SH3D19: variants seen among roughly 807,000 people sequenced by gnomAD.
SH3D19 encodes SH3 domain containing 19.
SH3D19 carries 58 observed loss-of-function variants against 112.1 expected under a neutral mutation model. That is an observed-to-expected ratio of 0.52 (90% CI 0.42 to 0.64). The LOEUF (loss-of-function observed/expected upper bound fraction) is 0.64, where lower values mean the gene tolerates loss of function less well. SH3D19 is among the 30% of genes least tolerant of loss of function. The pLI is 0.00. For synonymous variants in SH3D19, 391 were observed against 448.5 expected (o/e 0.87, Z 1.62); for missense variants, 1,090 against 1,263.4 (o/e 0.86, Z 2.08).
intron 1 of SH3D19, among the ~76,000 whole-genome samples, chr4:151,284,195 T>TAA (rs1774518017): frequency 6.6e-6 from 1 of 152,208 alleles, no homozygotes; most frequent in South Asian, 2.1e-4. Context: ...CCTCCCCTTC[T>TAA]AGATGAAACC....
chr4:151,267,947 T>C (rs1233996287), intron 1 of SH3D19, among the ~76,000 whole-genome samples: 1 of 152,186 alleles, frequency 6.6e-6, no homozygotes, highest in Non-Finnish European at 1.5e-5. Flanking sequence ...AGAAAGAAGA[T>C]TGTCTGTGAA....
Position 151,133,146 on chromosome 4 carries a change from C to T in SH3D19, c.2577G>A (p.Glu859=). ...FSEGEIIILK[E]YVNEEWARGE... Reference sequence around the variant, plus strand: ...CTCTGGCCCATTCCTCATTCACATACTCTTTAAGAATAATAATTTCTCCCT... The same window carrying T: ...CTCTGGCCCATTCCTCATTCACATATTCTTTAAGAATAATAATTTCTCCCT... Residue 859 remains glutamate (E), a synonymous_variant, in exon 16 of 20, where the codon GAG becomes GAA. Transcript: ENST00000604030. The T allele has an allele frequency of 3.7e-6, 6 of 1,614,176 alleles. No homozygotes were observed. Among genetic ancestry groups the T allele is most frequent in the South Asian group, 1.1e-5 (1 of 91,078 alleles).
chr4:151,253,432 A>AT (rs200012988), intron 1 of SH3D19, among the ~76,000 whole-genome samples: 1,598 of 152,290 alleles, frequency 0.01, 10 homozygotes, highest in Non-Finnish European at 0.017. Context: ...TAAGTATCTA[A>AT]GCCTGTTATT....
At chr4:151,166,848 C>T (rs1211738958) in intron 7 of SH3D19, among the ~76,000 whole-genome samples, 1 of 152,170 alleles carries the variant, frequency 6.6e-6, no homozygotes, top group East Asian at 1.9e-4. Context: ...TGATACTTCG[C>T]CTTCTCTTCC....
Position 151,137,801 on chromosome 4 carries a change from A to G in SH3D19, c.2358T>C (p.Asp786=). 1 of 1,610,900 alleles carries G rather than the reference A, an allele frequency of 6.2e-7. No individual in the cohort carries two copies. Among genetic ancestry groups the G allele is most frequent in the Non-Finnish European group, 8.5e-7 (1 of 1,178,284 alleles). ...TACAGTTCCCTCTGTACCAATCTGT[A>G]TCTATCTTCTCCAGAAGATAAACAA... ...GEIVYLLEKI[D]TDWYRGNCRN... The change falls in exon 14 of 20, where the codon GAT becomes GAC. Residue 786 remains aspartate, a synonymous_variant. Transcript: ENST00000604030.
At chr4:151,189,448 T>G (rs980163811) in intron 2 of SH3D19, among the ~76,000 whole-genome samples, 1 of 152,082 alleles carries the variant, frequency 6.6e-6, no homozygotes, top group Non-Finnish European at 1.5e-5. Flanking sequence ...AGTGATATGG[T>G]TTGGCTGTGT....
At chr4:151,131,477 TTC>T (rs1322704303) in intron 17 of SH3D19, among the ~76,000 whole-genome samples, 1 of 147,390 alleles carries the variant, frequency 6.8e-6, no homozygotes, top group Non-Finnish European at 1.5e-5. Flanking sequence ...CTTTTATGAA[TTC>T]TTTTTTTCTT....
chr4:151,189,183 G>A lies in SH3D19; in HGVS notation c.153-1720C>T, dbSNP rs1467613630. 2.0e-5 allele frequency among the ~76,000 whole-genome samples: 3 copies of A among 151,098 alleles called. 1 individual carries two copies. The highest frequency in any genetic ancestry group is 7.3e-5 in the African/African-American group (3 of 40,970). ...GGGTGGAGTGCAGTGGTGTGATCTCGGCTCACTGCCAGCTCTGCCTCCCGG... is the reference window on the plus strand; with the variant it reads ...GGGTGGAGTGCAGTGGTGTGATCTCAGCTCACTGCCAGCTCTGCCTCCCGG... On this transcript the variant is annotated intron_variant, in intron 2 of 19. Coordinates refer to ENST00000604030, the MANE Select transcript of SH3D19 (RefSeq NM_001378122.1).
At chr4:151,253,492 G>A (rs1039465934) in intron 1 of SH3D19, among the ~76,000 whole-genome samples, 1 of 152,192 alleles carries the variant, frequency 6.6e-6, no homozygotes, top group Non-Finnish European at 1.5e-5. Flanking sequence ...TGTAATCCCA[G>A]CACTTCGGGA....
chr4:151,237,081 T>C (rs1770130335), intron 1 of SH3D19, among the ~76,000 whole-genome samples: 1 of 152,196 alleles, frequency 6.6e-6, no homozygotes, highest in Admixed American at 6.5e-5. Context: ...TTTGGGTCTG[T>C]GTTGCCTTTA....
At chr4:151,189,105 GTTTTTGT>G (rs1417709880) in intron 2 of SH3D19, among the ~76,000 whole-genome samples, 1 of 151,918 alleles carries the variant, frequency 6.6e-6, no homozygotes, top group African/African-American at 2.4e-5. Flanking sequence ...TTCTGTTTTT[GTTTTTGT>G]TTTTTGTTTT....
At chr4:151,287,055 AGG>A (rs1774870442) in intron 1 of SH3D19, among the ~76,000 whole-genome samples, 1 of 150,992 alleles carries the variant, frequency 6.6e-6, no homozygotes, top group Non-Finnish European at 1.5e-5. Context: ...AAAATAAAAG[AGG>A]GGACTGGGCA....
chr4:151,170,870 G>A (rs1485065293), intron 7 of SH3D19: 1 of 152,176 alleles, frequency 6.6e-6, no homozygotes, highest in East Asian at 1.9e-4. Flanking sequence ...CTTCATAAAA[G>A]ACACACTTTG....
intron 1 of SH3D19, among the ~76,000 whole-genome samples, chr4:151,255,127 AC>A (rs570387721): frequency 1.5e-4 from 20 of 133,858 alleles, no homozygotes; most frequent in African/African-American, 5.5e-4. Context: ...CGGGGGGCTG[AC>A]CCCCCCCACC....
chr4:151,124,729 A>C (rs1748805861), intron 19 of SH3D19, among the ~76,000 whole-genome samples: 1 of 152,134 alleles, frequency 6.6e-6, no homozygotes, highest in African/African-American at 2.4e-5. Context: ...CTCTAAAAAA[A>C]AAAAAATTAG....
intron 9 of SH3D19, among the ~76,000 whole-genome samples, chr4:151,150,716 A>G (rs1277072871): frequency 6.6e-6 from 1 of 152,172 alleles, no homozygotes; most frequent in Non-Finnish European, 1.5e-5. Context: ...CACAGTTGGA[A>G]TGTTTTATCC....
At chr4:151,186,209 T>TA (rs1185619821) in intron 3 of SH3D19, among the ~76,000 whole-genome samples, 1 of 152,186 alleles carries the variant, frequency 6.6e-6, no homozygotes, top group Non-Finnish European at 1.5e-5. Context: ...GCCTTTTATT[T>TA]AAAAAAGTGT....
At chr4:151,237,002 A>C (rs6847669) in intron 1 of SH3D19, among the ~76,000 whole-genome samples, 1 of 152,234 alleles carries the variant, frequency 6.6e-6, no homozygotes, top group Admixed American at 6.5e-5. Context: ...CAACATGCTG[A>C]AGTCCCCTTC....
intron 19 of SH3D19, among the ~76,000 whole-genome samples, chr4:151,126,300 C>T (rs1749308189): frequency 6.6e-6 from 1 of 152,206 alleles, no homozygotes; most frequent in Non-Finnish European, 1.5e-5. Flanking sequence ...CTTGTCCAAT[C>T]ATTCCTTGAT....
Sources: allele counts gnomAD v4.1 joint callset (sites outside exome capture counted in the v4.1 genomes callset), GRCh38; gene constraint gnomAD v4.1.1; transcripts MANE v1.5; gene names NCBI Gene and HGNC (gene_info 2026-07-23, HGNC 2026-07-21).